SMAGP: variants seen among roughly 807,000 people sequenced by gnomAD.
SMAGP encodes small cell transmembrane and glycosylated protein.
SMAGP carries 7 observed loss-of-function variants against 10.1 expected under a neutral mutation model. The ratio of observed to expected loss-of-function variants is 0.70; its 90% CI spans 0.40 to 1.31. The LOEUF is 1.31. SMAGP is among the 50% of genes most tolerant of loss of function. The probability of loss-of-function intolerance (pLI) is 0.01; values close to 1 mark genes in which losing one functional copy is unlikely to be tolerated. For synonymous variants in SMAGP, 49 were observed against 47.2 expected, an observed-to-expected ratio of 1.04 and a Z score of -0.16; for missense variants, 113 against 116.5, an observed-to-expected ratio of 0.97 and a Z score of 0.14.
At chr12:51,248,900 C>CAAAAAAAAAA (rs545881552) in intron 2 of SMAGP, among the ~76,000 whole-genome samples, 2 of 95,616 alleles carry the variant, frequency 2.1e-5, no homozygotes, top group African/African-American at 4.6e-5. Context: ...AAAAATACCA[C>CAAAAAAAAAA]AAAAAAAAAA....
chr12:51,246,471 A>C (rs1370841468), intron 3 of SMAGP: 1 of 431,986 alleles, frequency 2.3e-6, no homozygotes, highest in African/African-American at 2.0e-5. Context: ...TCACCCACTC[A>C]ACCAACCACA....
intron 2 of SMAGP, among the ~76,000 whole-genome samples, chr12:51,253,103 C>T (rs75948759): frequency 6.6e-6 from 1 of 152,076 alleles, no homozygotes; most frequent in South Asian, 2.1e-4. Flanking sequence ...CAGCAAAGTT[C>T]TAGAACACAC....
intron 2 of SMAGP, among the ~76,000 whole-genome samples, chr12:51,257,102 T>C (rs1234199537): frequency 6.6e-6 from 1 of 152,016 alleles, no homozygotes; most frequent in Non-Finnish European, 1.5e-5. Flanking sequence ...TAAAGGTGAG[T>C]AGAGAAAGGC....
intron 2 of SMAGP, among the ~76,000 whole-genome samples, chr12:51,252,160 G>A (rs1178090377): frequency 6.8e-6 from 1 of 146,404 alleles, no homozygotes; most frequent in Non-Finnish European, 1.5e-5. Context: ...GTGGCGCGAT[G>A]TTGGCTCACT....
At chr12:51,262,968 T>C (rs890068194) in intron 2 of SMAGP, among the ~76,000 whole-genome samples, 2 of 152,160 alleles carry the variant, frequency 1.3e-5, no homozygotes, top group Non-Finnish European at 2.9e-5. Flanking sequence ...ACCAGCCAGT[T>C]GGGTGGAGTG....
chr12:51,252,861 G>T (rs1592233246), intron 2 of SMAGP, among the ~76,000 whole-genome samples: 1 of 152,090 alleles, frequency 6.6e-6, no homozygotes, highest in East Asian at 1.9e-4. Flanking sequence ...GAGCAGTGGA[G>T]CCTTTGGGGA....
At chr12:51,256,735 A>G (rs530397240) in intron 2 of SMAGP, among the ~76,000 whole-genome samples, 92 of 53,592 alleles carry the variant, frequency 1.7e-3, no homozygotes, top group Non-Finnish European at 3.8e-3. Context: ...CAAACAAACA[A>G]ACAAACAAAA....
At position 51,246,062 on chromosome 12, in the gene SMAGP, TAAA is replaced by T; in HGVS notation, c.170_172del (p.Phe57del). ...GTAGCTGCCTTTGTTCTTGTACAGG[TAAA>T]AGAAGATCAAGATCACGACCGAGAG... is the stretch of plus-strand genomic sequence containing the variant. On this transcript the variant is annotated inframe_deletion, in exon 4 of 4. Transcript: ENST00000603798. 1 of 1,613,792 alleles carries T rather than the reference TAAA, an allele frequency of 6.2e-7. No homozygotes were observed. The highest frequency in any genetic ancestry group is 8.5e-7 in the Non-Finnish European group (1 of 1,179,838).
chr12:51,266,936 C>T (rs1413439971), intron 2 of SMAGP, among the ~76,000 whole-genome samples: 4 of 152,062 alleles, frequency 2.6e-5, no homozygotes, highest in African/African-American at 9.7e-5. Flanking sequence ...GCCAACATGG[C>T]GAAACCCTGT....
At chr12:51,269,131 C>A in intron 2 of SMAGP, 114 bp downstream of exon 2, 1 of 1,133,814 alleles carries the variant, frequency 8.8e-7, no homozygotes, top group Non-Finnish European at 1.3e-6. Flanking sequence ...CTGTGTGAGG[C>A]AGGCAGAGAG....
At chr12:51,269,470 G>C in intron 1 of SMAGP, 154 bp from the exon 2 acceptor site, 1 of 612,242 alleles carries the variant, frequency 1.6e-6, no homozygotes, top group Non-Finnish European at 2.9e-6. Context: ...ATCTCCTCAG[G>C]CTCCAGGTAC....
Position 51,269,256 on chromosome 12 carries a change from G to A in SMAGP, c.23C>T (p.Pro8Leu), listed in dbSNP as rs745850521. The change falls in exon 2 of 4, where the codon CCT becomes CTT. Residue 8 changes from proline to leucine, a missense_variant. Transcript: ENST00000603798. ...AGGCCTTCACCTACCTCTTGGAGAAGGAGTAGTCAGGAGGCTGGTCATTGT... is the reference window on the plus strand; with the variant it reads ...AGGCCTTCACCTACCTCTTGGAGAAAGAGTAGTCAGGAGGCTGGTCATTGT... MTSLLTT[P>L]SPREELMTTP... The A allele has an allele frequency of 3.1e-6, 5 of 1,613,800 alleles. No homozygotes were observed. The African/African-American group carries it at 5.3e-5, about 17-fold the overall frequency.
Position 51,245,692 on chromosome 12 carries a change from T to G in SMAGP, c.*249A>C. 2.2e-6 allele frequency: 1 copy of G among 456,186 alleles called. No individual in the cohort carries two copies. The highest frequency in any genetic ancestry group is 3.4e-5 in the East Asian group (1 of 29,232). The allele number at this position is 456,186 out of a possible 1,614,324, so 28.3% of individuals were successfully genotyped here. ...TCAGATGTCCCCTGGCATAGCCACA[T>G]CTTGTTGGCCAGTCACAAACACCAG... On this transcript the variant is annotated 3_prime_UTR_variant, in exon 4 of 4. Coordinates refer to ENST00000603798, the MANE Select transcript of SMAGP (RefSeq NM_001031628.2).
Position 51,270,377 on chromosome 12 carries a change from C to T in SMAGP, c.-160G>A, listed in dbSNP as rs1158046975. ...GCAGAGGCCGAACGAGGACCCCGAG[C>T]GGAGGAAGCCGCGGGTGGCGCGCGG... On this transcript the variant is annotated 5_prime_UTR_variant, in exon 1 of 4. Transcript: ENST00000603798. 7 of 208,304 alleles carry T rather than the reference C, an allele frequency of 3.4e-5. No individual in the cohort carries two copies. The highest frequency in any genetic ancestry group is 6.6e-5 in the Non-Finnish European group (7 of 105,286). The allele number at this position is 208,304 out of a possible 1,614,324, so 12.9% of individuals were successfully genotyped here.
chr12:51,265,684 A>C (rs898952874), intron 2 of SMAGP, among the ~76,000 whole-genome samples: 2 of 152,152 alleles, frequency 1.3e-5, no homozygotes, highest in Non-Finnish European at 2.9e-5. Context: ...CAGAAAATAG[A>C]ACGGTGTTTG....
At chr12:51,247,306 C>T (rs1944786688) in intron 2 of SMAGP, among the ~76,000 whole-genome samples, 1 of 152,164 alleles carries the variant, frequency 6.6e-6, no homozygotes, top group African/African-American at 2.4e-5. Context: ...TATTATATAG[C>T]ATGTGCATTT....
intron 2 of SMAGP, among the ~76,000 whole-genome samples, chr12:51,251,164 T>G (rs1479975380): frequency 1.3e-5 from 2 of 152,202 alleles, no homozygotes; most frequent in Non-Finnish European, 2.9e-5. Context: ...TTTAGTGTGG[T>G]AGCTCACGCC....
chr12:51,246,405 A>G (rs1944770306), intron 3 of SMAGP: 3 of 475,420 alleles, frequency 6.3e-6, no homozygotes, highest in Admixed American at 3.6e-5. Flanking sequence ...GGAAGGAGGG[A>G]ACAGGAAATG....
intron 2 of SMAGP, among the ~76,000 whole-genome samples, chr12:51,258,984 CAAAAAAAAAAAAAA>C (rs35000436): frequency 2.0e-5 from 1 of 50,978 alleles, no homozygotes; most frequent in Non-Finnish European, 3.4e-5. Flanking sequence ...CTGTCTCTAC[CAAAAAAAAAAAAAA>C]AAAAAAAAAA....
Sources: gnomAD v4.1 joint callset for allele counts (sites outside exome capture counted in the v4.1 genomes callset) on GRCh38, gnomAD v4.1.1 for gene constraint, MANE v1.5 for transcripts, NCBI Gene and HGNC (gene_info 2026-07-23, HGNC 2026-07-21) for gene names.